Variants in TAFA5 observed in about 807,000 individuals in gnomAD.
The protein encoded by TAFA5 is chemokine-like protein TAFA-5.
In TAFA5, 6 loss-of-function variants were observed where a neutral mutation model predicts 15.3. The observed-to-expected ratio is 0.39, with a 90% CI of 0.21 to 0.77. TAFA5 has a LOEUF of 0.77. Among genes scored for constraint, TAFA5 ranks in the 30% least tolerant of loss-of-function variants. The pLI is 0.41. For synonymous variants in TAFA5, 103 were observed against 80.7 expected (o/e 1.28, Z -1.48); for missense variants, 161 against 193.1 (o/e 0.83, Z 0.98).
intron 1 of TAFA5, among the ~76,000 whole-genome samples, chr22:48,611,264 G>A (rs1453933849): frequency 6.6e-6 from 1 of 152,232 alleles, no homozygotes; most frequent in African/African-American, 2.4e-5. Context: ...AACACAGCTA[G>A]CGGCAGACCG....
intron 2 of TAFA5, among the ~76,000 whole-genome samples, chr22:48,674,183 T>C (rs1927895294): frequency 6.6e-6 from 1 of 152,082 alleles, no homozygotes; most frequent in African/African-American, 2.4e-5. Flanking sequence ...CCCGGTTTCA[T>C]CTTCTCTCAT....
At chr22:48,538,176 G>A (rs1317444030) in intron 1 of TAFA5, among the ~76,000 whole-genome samples, 1 of 152,124 alleles carries the variant, frequency 6.6e-6, no homozygotes, top group Non-Finnish European at 1.5e-5. Flanking sequence ...ATGGCCCGGG[G>A]CTGCAGAGCC....
intron 2 of TAFA5, among the ~76,000 whole-genome samples, chr22:48,694,717 G>T (rs944626782): frequency 6.6e-6 from 1 of 151,998 alleles, no homozygotes; most frequent in East Asian, 1.9e-4. Context: ...TGACCTACAG[G>T]GGGAGGCTGC....
At chr22:48,723,033 G>T (rs1176225451) in intron 3 of TAFA5, among the ~76,000 whole-genome samples, 1 of 152,108 alleles carries the variant, frequency 6.6e-6, no homozygotes, top group African/African-American at 2.4e-5. Flanking sequence ...CCCCAAGGCC[G>T]CCCTCTACCT....
At chr22:48,604,100 G>T (rs1235638747) in intron 1 of TAFA5, among the ~76,000 whole-genome samples, 1 of 152,222 alleles carries the variant, frequency 6.6e-6, no homozygotes, top group Admixed American at 6.5e-5. Flanking sequence ...GCTACCGATG[G>T]ATGAATTCTC....
chr22:48,687,022 G>A (rs1928381662), intron 2 of TAFA5, among the ~76,000 whole-genome samples: 1 of 151,304 alleles, frequency 6.6e-6, no homozygotes, highest in East Asian at 2.0e-4. Flanking sequence ...ACAAGTGGAT[G>A]GATGGATGGA....
chr22:48,684,215 G>A (rs130104), intron 2 of TAFA5, among the ~76,000 whole-genome samples: 2 of 152,090 alleles, frequency 1.3e-5, no homozygotes, highest in African/African-American at 4.8e-5. Flanking sequence ...TGGCTCTGCC[G>A]TCCCTCAGCC....
chr22:48,623,826 A>G (rs541055268), intron 1 of TAFA5, among the ~76,000 whole-genome samples: 2 of 152,356 alleles, frequency 1.3e-5, no homozygotes, highest in Admixed American at 1.3e-4. Flanking sequence ...TTTTAGATTT[A>G]TGGAAAACTT....
intron 1 of TAFA5, among the ~76,000 whole-genome samples, chr22:48,565,261 G>A (rs984985967): frequency 3.3e-5 from 5 of 151,512 alleles, no homozygotes; most frequent in South Asian, 4.2e-4. Context: ...CACAGTAGGC[G>A]GGGCACTCCT....
chr22:48,640,484 G>T (rs538768622), intron 1 of TAFA5, among the ~76,000 whole-genome samples: 3 of 152,198 alleles, frequency 2.0e-5, no homozygotes, highest in African/African-American at 4.8e-5. Context: ...TGCTTCTAAG[G>T]GGGGGCTTCC....
intron 1 of TAFA5, among the ~76,000 whole-genome samples, chr22:48,618,409 A>G (rs1601619514): frequency 6.6e-6 from 1 of 152,256 alleles, no homozygotes; most frequent in Admixed American, 6.5e-5. Flanking sequence ...GCAGTTTTGG[A>G]ACAAGAGACC....
intron 2 of TAFA5, among the ~76,000 whole-genome samples, chr22:48,691,859 G>A (rs1928553987): frequency 6.6e-6 from 1 of 152,152 alleles, no homozygotes; most frequent in South Asian, 2.1e-4. Flanking sequence ...GCCCTCCCAG[G>A]TGTGCTTGTT....
intron 1 of TAFA5, among the ~76,000 whole-genome samples, chr22:48,640,131 C>A (rs1926619854): frequency 1.3e-5 from 2 of 152,222 alleles, no homozygotes; most frequent in South Asian, 4.1e-4. Context: ...GGCTCTTCGG[C>A]TCTTTGGCTC....
At chr22:48,718,518 T>G (rs1454551105) in intron 3 of TAFA5, among the ~76,000 whole-genome samples, 1 of 152,098 alleles carries the variant, frequency 6.6e-6, no homozygotes, top group Admixed American at 6.5e-5. Context: ...CCGTGCGACC[T>G]GTGTCTGCCC....
chr22:48,562,344 T>G (rs1174702123), intron 1 of TAFA5, among the ~76,000 whole-genome samples: 1 of 152,142 alleles, frequency 6.6e-6, no homozygotes, highest in Non-Finnish European at 1.5e-5. Context: ...TTCACCGCAT[T>G]AGCCAGGATG....
At chr22:48,673,638 T>C (rs5771934) in intron 2 of TAFA5, among the ~76,000 whole-genome samples, 130,921 of 152,198 alleles carry the variant, frequency 0.86, 56,862 homozygotes, top group East Asian at 1. Flanking sequence ...GTACTGTGTG[T>C]AGGGCTTGGA....
At chr22:48,671,949 C>G (rs999364663) in intron 2 of TAFA5, among the ~76,000 whole-genome samples, 11 of 152,170 alleles carry the variant, frequency 7.2e-5, no homozygotes, top group Non-Finnish European at 1.2e-4. Flanking sequence ...GATCTTGGGT[C>G]TTGTACATAG....
At position 48,489,992 on chromosome 22, in the gene TAFA5, C is replaced by T. The variant is rs535864513; in HGVS notation, c.112+288C>T. ...CAGGCCCCGGGTGGCGCGGCCCGTCCCTGCCCGGCGGTCGGAGCCCAGCCA... is the reference window on the plus strand; with the variant it reads ...CAGGCCCCGGGTGGCGCGGCCCGTCTCTGCCCGGCGGTCGGAGCCCAGCCA... On this transcript the variant is annotated intron_variant, in intron 1 of 3. Coordinates refer to ENST00000402357, the MANE Select transcript of TAFA5 (RefSeq NM_001082967.3). This position sits in a 1 kb window ranked among gnomAD's most constrained non-coding sequence, Gnocchi z 5.5. 6.6e-6 allele frequency among the ~76,000 whole-genome samples: 1 copy of T among 152,014 alleles called. No individual in the cohort carries two copies. Among genetic ancestry groups the T allele is most frequent in the South Asian group, 2.1e-4 (1 of 4,830 alleles).
At chr22:48,688,936 G>A (rs1928448751) in intron 2 of TAFA5, among the ~76,000 whole-genome samples, 1 of 148,940 alleles carries the variant, frequency 6.7e-6, no homozygotes, top group Non-Finnish European at 1.5e-5. Flanking sequence ...AGGTTGCAGT[G>A]AGCCAAAATC....
Sources: gnomAD v4.1 joint callset for allele counts (sites outside exome capture counted in the v4.1 genomes callset) on GRCh38, gnomAD v4.1.1 for gene constraint, Gnocchi (gnomAD v3.1) non-coding constraint, MANE v1.5 for transcripts, NCBI Gene and HGNC (gene_info 2026-07-23, HGNC 2026-07-21) for gene names.